The following SUGCT variants were observed in gnomAD, a reference collection of about 807,000 sequenced individuals.
The protein encoded by SUGCT is succinyl-CoA:glutarate-CoA transferase.
Under a neutral mutation model 55.0 loss-of-function variants are expected in SUGCT, and 41 were observed. The ratio of observed to expected loss-of-function variants is 0.74; its 90% CI spans 0.58 to 0.97. The LOEUF is 0.97. SUGCT is among the 50% of genes least tolerant of loss of function. The pLI is 0.00. For synonymous variants in SUGCT, 187 were observed against 200.4 expected, an observed-to-expected ratio of 0.93 and a Z score of 0.56; for missense variants, 568 against 547.8, an observed-to-expected ratio of 1.04 and a Z score of -0.37.
At chr7:40,531,361 G>C (rs945813211) in intron 12 of SUGCT, among the ~76,000 whole-genome samples, 5 of 152,068 alleles carry the variant, frequency 3.3e-5, no homozygotes, top group Non-Finnish European at 5.9e-5. Flanking sequence ...TAAATGGCAG[G>C]GTGGGTCTTC....
the SUGCT span, among the ~76,000 whole-genome samples, chr7:40,933,335 A>G: frequency 2.0e-5 from 3 of 152,056 alleles, no homozygotes; most frequent in South Asian, 6.2e-4. Flanking sequence ...TTTGTGGGTA[A>G]CTCGACCTTT....
intron 12 of SUGCT, among the ~76,000 whole-genome samples, chr7:40,578,100 G>A (rs1796869455): frequency 6.6e-6 from 1 of 152,150 alleles, no homozygotes; most frequent in African/African-American, 2.4e-5. Context: ...TCAAAATCAT[G>A]TAGAGGGGCT....
At chr7:40,395,505 A>G (rs1785678798) in intron 9 of SUGCT, among the ~76,000 whole-genome samples, 1 of 151,442 alleles carries the variant, frequency 6.6e-6, no homozygotes, top group East Asian at 1.9e-4. Flanking sequence ...AAAAAAAAAA[A>G]AAAAAAAAAG....
the SUGCT span, among the ~76,000 whole-genome samples, chr7:41,006,745 G>A: frequency 1.3e-5 from 2 of 152,164 alleles, no homozygotes; most frequent in Non-Finnish European, 1.5e-5. Context: ...CAGTCTACCT[G>A]AAAGGCCTGT....
chr7:40,210,685 T>A (rs1371402327), intron 6 of SUGCT, among the ~76,000 whole-genome samples: 2 of 152,074 alleles, frequency 1.3e-5, no homozygotes, highest in Non-Finnish European at 2.9e-5. Context: ...TCCTGACGCA[T>A]GTGGCCCCTG....
intron 13 of SUGCT, among the ~76,000 whole-genome samples, chr7:40,820,172 T>C (rs1040497091): frequency 5.3e-5 from 8 of 152,220 alleles, no homozygotes; most frequent in African/African-American, 1.7e-4. Flanking sequence ...TGTAGCCTTG[T>C]AGTATAGTTT....
At chr7:40,472,386 G>A (rs1004609662) in intron 11 of SUGCT, among the ~76,000 whole-genome samples, 1 of 152,108 alleles carries the variant, frequency 6.6e-6, no homozygotes, top group Non-Finnish European at 1.5e-5. Flanking sequence ...CATGGGAAAT[G>A]CTTATTACAT....
At chr7:40,409,814 A>G (rs1360129463) in intron 9 of SUGCT, among the ~76,000 whole-genome samples, 1 of 152,098 alleles carries the variant, frequency 6.6e-6, no homozygotes, top group East Asian at 1.9e-4. Context: ...GAAAATGTCA[A>G]GTAAACAACA....
intron 5 of SUGCT, among the ~76,000 whole-genome samples, chr7:40,192,695 G>A (rs1432311352): frequency 4.1e-5 from 6 of 146,100 alleles, no homozygotes; most frequent in Admixed American, 7.0e-5. Context: ...ACAATGGTGC[G>A]ATCTCGGCTC....
At chr7:40,938,012 A>G in the SUGCT span, among the ~76,000 whole-genome samples, 2 of 152,192 alleles carry the variant, frequency 1.3e-5, no homozygotes, top group Admixed American at 1.3e-4. Flanking sequence ...GCTCCTGTGA[A>G]GATCTATTGC....
At chr7:40,328,196 C>A (rs1796111681) in intron 9 of SUGCT, among the ~76,000 whole-genome samples, 1 of 152,200 alleles carries the variant, frequency 6.6e-6, no homozygotes. Context: ...TTACTCATCA[C>A]AGGGATCCTT....
chr7:40,757,572 C>T (rs546296199), intron 13 of SUGCT, among the ~76,000 whole-genome samples: 1 of 152,244 alleles, frequency 6.6e-6, no homozygotes, highest in Non-Finnish European at 1.5e-5. Context: ...GTTTTCACTA[C>T]TAGGAAGTGA....
chr7:40,447,413 G>C (rs578002312), intron 9 of SUGCT, among the ~76,000 whole-genome samples: 1 of 152,274 alleles, frequency 6.6e-6, no homozygotes, highest in East Asian at 1.9e-4. Context: ...CTGAAGATAA[G>C]AGACTTTCAT....
the SUGCT span, among the ~76,000 whole-genome samples, chr7:40,989,828 G>A: frequency 2.0e-5 from 3 of 152,096 alleles, no homozygotes; most frequent in Non-Finnish European, 2.9e-5. Context: ...GTTTTATTAT[G>A]AGATTGCAGA....
chr7:40,728,402 C>G (rs575101335), intron 12 of SUGCT, among the ~76,000 whole-genome samples: 2 of 152,192 alleles, frequency 1.3e-5, no homozygotes, highest in Admixed American at 6.5e-5. Flanking sequence ...GCCTGTAATT[C>G]CAGCTACTTG....
intron 12 of SUGCT, among the ~76,000 whole-genome samples, chr7:40,498,434 A>T (rs996108818): frequency 3.3e-5 from 5 of 152,200 alleles, no homozygotes; most frequent in African/African-American, 1.2e-4. Context: ...CAAGTTTTCC[A>T]AATAATCAAG....
chr7:40,381,892 T>C (rs763942385), intron 9 of SUGCT, among the ~76,000 whole-genome samples: 25 of 152,072 alleles, frequency 1.6e-4, no homozygotes, highest in Non-Finnish European at 2.4e-4. Context: ...TATATGTTTT[T>C]TCTGCTGGAC....
At chr7:40,784,970 A>T (rs1789942123) in intron 13 of SUGCT, among the ~76,000 whole-genome samples, 1 of 152,124 alleles carries the variant, frequency 6.6e-6, no homozygotes, top group South Asian at 2.1e-4. Flanking sequence ...TTTTGAAGAA[A>T]CCCCTTAACA....
intron 12 of SUGCT, among the ~76,000 whole-genome samples, chr7:40,685,498 A>G (rs1784424837): frequency 6.6e-6 from 1 of 152,144 alleles, no homozygotes; most frequent in African/African-American, 2.4e-5. Context: ...GAGATTTTGC[A>G]TGCATCTTTA....
Sources: allele counts gnomAD v4.1 joint callset (sites outside exome capture counted in the v4.1 genomes callset), GRCh38; gene constraint gnomAD v4.1.1; transcripts MANE v1.5; gene names NCBI Gene and HGNC (gene_info 2026-07-23, HGNC 2026-07-21).